Variants in SIPA1L3 observed in about 807,000 individuals in gnomAD.
SIPA1L3 encodes the protein signal-induced proliferation-associated 1-like protein 3.
SIPA1L3 carries 59 observed loss-of-function variants against 150.1 expected under a neutral mutation model. The ratio of observed to expected loss-of-function variants is 0.39; its 90% confidence interval spans 0.32 to 0.49. SIPA1L3 has a LOEUF of 0.49. SIPA1L3 is among the 20% of genes least tolerant of loss of function. The pLI is 0.86. For missense variants in SIPA1L3, 2,211 were observed against 2,489.5 expected (o/e 0.89, Z 2.38); for synonymous variants, 1,070 against 1,077.6 (o/e 0.99, Z 0.14).
intron 1 of SIPA1L3, among the ~76,000 whole-genome samples, chr19:38,000,329 G>A (rs1725503): frequency 0.75 from 113,261 of 151,644 alleles, 42,570 homozygotes; most frequent in East Asian, 0.97. Context: ...TTAGCTGGGC[G>A]TGGTGGTGGG....
intron 2 of SIPA1L3, among the ~76,000 whole-genome samples, chr19:38,078,423 C>CACATGCGCAT (rs1969895761): frequency 6.6e-6 from 1 of 150,500 alleles, no homozygotes; most frequent in Non-Finnish European, 1.5e-5. Flanking sequence ...AGCCCCCCTA[C>CACATGCGCAT]ACATGCGCAT....
intron 1 of SIPA1L3, among the ~76,000 whole-genome samples, chr19:37,908,706 C>A (rs911978822): frequency 6.6e-5 from 10 of 152,036 alleles, no homozygotes; most frequent in African/African-American, 2.2e-4. Flanking sequence ...TTCCCCCTCC[C>A]TCCCAAATTT....
At chr19:38,040,604 C>T (rs1968895460) in intron 2 of SIPA1L3, among the ~76,000 whole-genome samples, 2 of 152,128 alleles carry the variant, frequency 1.3e-5, no homozygotes, top group Admixed American at 1.3e-4. Context: ...GTTCTTTCTT[C>T]CCCCACAGTG....
intron 1 of SIPA1L3, among the ~76,000 whole-genome samples, chr19:37,974,196 G>A (rs1377750252): frequency 6.6e-6 from 1 of 152,134 alleles, no homozygotes; most frequent in African/African-American, 2.4e-5. Flanking sequence ...CTGATGTGTA[G>A]GGACTCATCG....
chr19:38,124,784 G>A lies in SIPA1L3; in HGVS notation c.2868+4902G>A, dbSNP rs1240325588. Among the ~76,000 whole-genome samples the A allele has an allele frequency of 5.9e-5, 9 of 152,208 alleles. No homozygotes were observed. The South Asian group carries it at 6.2e-4, about 11-fold the overall frequency. ...GGAGGCTGAGGCTGGCGGATCACTC[G>A]CGGTTAGGAGCTGGAGACCAGCCCG... On this transcript the variant is annotated intron_variant, in intron 9 of 21. Transcript: ENST00000222345.
chr19:38,024,016 G>A (rs1568506882), intron 1 of SIPA1L3, among the ~76,000 whole-genome samples: 1 of 152,176 alleles, frequency 6.6e-6, no homozygotes, highest in Non-Finnish European at 1.5e-5. Flanking sequence ...CCTTGGGGAG[G>A]GGGAGGGGGG....
At chr19:38,167,040 C>T (rs897213797) in intron 15 of SIPA1L3, among the ~76,000 whole-genome samples, 8 of 152,046 alleles carry the variant, frequency 5.3e-5, no homozygotes, top group Non-Finnish European at 1.0e-4. Context: ...CGAGACCGTC[C>T]TGGCCAACAT....
At position 38,182,666 on chromosome 19, in the gene SIPA1L3, C is replaced by A. The variant is rs369847006; in HGVS notation, c.4356C>A (p.Arg1452=). 2 of 1,614,186 alleles carry A rather than the reference C, an allele frequency of 1.2e-6. No homozygotes were observed. Residue 1452 remains arginine, a synonymous_variant, in exon 16 of 22, where the codon CGC becomes CGA. Transcript: ENST00000222345. ...CCTTCTTCTCCAAGCAGCCTGTACG[C>A]AATAAGCACCCAACAGGGTGGAAGA... The part of the protein sequence containing the change: ...PKSFFSKQPV[R]NKHPTGWKRT...
chr19:37,995,548 C>T (rs889117552), intron 1 of SIPA1L3, among the ~76,000 whole-genome samples: 4 of 152,104 alleles, frequency 2.6e-5, no homozygotes, highest in South Asian at 2.1e-4. Context: ...AAGAGAAACT[C>T]GGCTTGGGCA....
chr19:38,000,109 A>G (rs890048992), intron 1 of SIPA1L3, among the ~76,000 whole-genome samples: 5 of 150,390 alleles, frequency 3.3e-5, no homozygotes, highest in Non-Finnish European at 7.4e-5. Context: ...TAGTTCCTCA[A>G]TTAATAGTGG....
chr19:38,059,752 C>T (rs960986276), intron 2 of SIPA1L3, among the ~76,000 whole-genome samples: 1 of 152,062 alleles, frequency 6.6e-6, no homozygotes. Flanking sequence ...CTGGAACCCC[C>T]ATGGGCTCTG....
At chr19:38,205,167 G>C (rs966290953) in intron 21 of SIPA1L3, among the ~76,000 whole-genome samples, 39 of 152,060 alleles carry the variant, frequency 2.6e-4, no homozygotes, top group African/African-American at 9.4e-4. Context: ...TCCATGGGGC[G>C]GAAGGATGAG....
At chr19:38,161,358 A>C (rs949552161) in intron 13 of SIPA1L3, among the ~76,000 whole-genome samples, 2 of 151,344 alleles carry the variant, frequency 1.3e-5, no homozygotes, top group South Asian at 2.1e-4. Context: ...AAAAAAAAAA[A>C]AAACTATGTA....
chr19:38,056,243 TG>T (rs1369712248), intron 2 of SIPA1L3, among the ~76,000 whole-genome samples: 2 of 152,244 alleles, frequency 1.3e-5, no homozygotes, highest in African/African-American at 2.4e-5. Flanking sequence ...TGCCCCCACG[TG>T]GGTGGCTACC....
chr19:38,188,540 CCTGGAGGATGTTTT>C lies in SIPA1L3; in HGVS notation c.4431-3602_4431-3589del, dbSNP rs907390706. ...TGATGTCCAGTCCTGTCAGTCAGAA[CCTGGAGGATGTTTT>C]CTTCACTGAGGTTTTGAAAGATAAA... is the stretch of plus-strand genomic sequence containing the variant. On this transcript the variant is annotated intron_variant, in intron 16 of 21. Transcript: ENST00000222345. Among the ~76,000 whole-genome samples the C allele has an allele frequency of 6.8e-4, 104 of 152,168 alleles. 1 individual carries two copies. The highest frequency in any genetic ancestry group is 2.4e-3 in the African/African-American group (99 of 41,504).
At chr19:38,058,223 C>G (rs184215488) in intron 2 of SIPA1L3, among the ~76,000 whole-genome samples, 319 of 152,292 alleles carry the variant, frequency 2.1e-3, no homozygotes, top group Non-Finnish European at 3.5e-3. Context: ...ACAGCAGGCC[C>G]TCGCCATCTG....
chr19:37,931,583 A>C (rs8109835), intron 1 of SIPA1L3, among the ~76,000 whole-genome samples: 57,549 of 147,004 alleles, frequency 0.39, 13,708 homozygotes, highest in East Asian at 0.72. Context: ...TCCGTCTTTA[A>C]TAAAAATAAA....
In SIPA1L3 at chr19:38,193,559, A is replaced by G. The variant is rs1178861842; in HGVS notation, c.4619A>G (p.Gln1540Arg). The G allele has an allele frequency of 4.6e-6, 7 of 1,519,008 alleles. No homozygotes were observed. 94.1% of individuals were successfully genotyped at this position (1,519,008 alleles called of 1,614,324 possible). The change falls in exon 18 of 22, where the codon CAG becomes CGG. Residue 1540 changes from glutamine (Q) to arginine (R), a missense_variant. Physicochemically the swap from Gln to Arg is conservative, Grantham distance 43. Around this residue, in one of 5 missense-constraint regions of SIPA1L3, gnomAD observed 806 missense variants for 870.1 expected, o/e 0.93. Coordinates refer to ENST00000222345, the MANE Select transcript of SIPA1L3 (RefSeq NM_015073.3). The part of the protein sequence containing the change: ...DTGQSPQKGL[Q>R]RTLSDESLCS... ...CAGCAGTCACCGCAGAAGGGCCTGC[A>G]GCGGACGCTGTCGGACGAGAGCCTG...
Position 38,083,074 on chromosome 19 carries a change from C to T in SIPA1L3, c.1509C>T (p.Tyr503=). 6.2e-7 allele frequency: 1 copy of T among 1,611,598 alleles called. No homozygotes were observed. Among genetic ancestry groups the T allele is most frequent in the Admixed American group, 1.7e-5 (1 of 60,018 alleles). The part of the protein sequence containing the change: ...SIEHVDLGAR[Y]YQDYFVGKEH... ...AGCATGTGGACCTGGGCGCCCGCTA[C>T]TACCAGGATTACTTCGTGGGCAAAG... The change falls in exon 3 of 22, where the codon TAC becomes TAT. Residue 503 remains tyrosine, a synonymous_variant. Transcript: ENST00000222345.
Sources: allele counts gnomAD v4.1 joint callset (sites outside exome capture counted in the v4.1 genomes callset), GRCh38; gene constraint gnomAD v4.1.1; regional missense constraint gnomAD v4.1.1; transcripts MANE v1.5; gene names NCBI Gene and HGNC (gene_info 2026-07-23, HGNC 2026-07-21).